SNX29: variants seen among roughly 807,000 people sequenced by gnomAD.
SNX29 encodes the protein sorting nexin-29.
SNX29 carries 78 observed loss-of-function variants against 102.1 expected under a neutral mutation model. The observed-to-expected ratio is 0.76, with a 90% CI of 0.64 to 0.92. SNX29 has a LOEUF of 0.92. Ranked by LOEUF, SNX29 falls within the 40% of genes least tolerant of loss-of-function variation. SNX29 has a pLI of 0.00. For synonymous variants in SNX29, 580 were observed against 414.5 expected (o/e 1.40, Z -4.85); for missense variants, 1,280 against 1,061.7 (o/e 1.21, Z -2.86).
At chr16:12,224,019 C>T (rs1481246465) in intron 14 of SNX29, among the ~76,000 whole-genome samples, 1 of 152,208 alleles carries the variant, frequency 6.6e-6, no homozygotes, top group Non-Finnish European at 1.5e-5. Flanking sequence ...GGTCTCCTCA[C>T]TCCAGAGCCA....
At chr16:12,318,862 A>G (rs1475953184) in intron 15 of SNX29, among the ~76,000 whole-genome samples, 1 of 152,198 alleles carries the variant, frequency 6.6e-6, no homozygotes, top group Admixed American at 6.5e-5. Context: ...AGCTTCTTCT[A>G]GTCTATGACT....
chr16:12,206,079 C>T (rs12445236), intron 14 of SNX29, among the ~76,000 whole-genome samples: 29,778 of 152,108 alleles, frequency 0.2, 2,919 homozygotes, highest in East Asian at 0.27. Flanking sequence ...TCAGTTGTGC[C>T]TCCAGCTGGA....
intron 15 of SNX29, among the ~76,000 whole-genome samples, chr16:12,329,909 A>T (rs1348940885): frequency 6.6e-6 from 1 of 152,142 alleles, no homozygotes; most frequent in Admixed American, 6.6e-5. Flanking sequence ...ACAGTTATTT[A>T]TACCCTGTCT....
chr16:12,157,352 C>T (rs1296401997), intron 13 of SNX29, among the ~76,000 whole-genome samples: 1 of 152,004 alleles, frequency 6.6e-6, no homozygotes, highest in East Asian at 1.9e-4. Flanking sequence ...AGTGAGTAGG[C>T]GATGTGCACA....
chr16:12,496,237 A>C (rs1205493259), intron 19 of SNX29, among the ~76,000 whole-genome samples: 1 of 152,166 alleles, frequency 6.6e-6, no homozygotes, highest in African/African-American at 2.4e-5. Context: ...GTTGTGACAC[A>C]GGGGTAGTCA....
chr16:12,046,351 A>G (rs181317556), intron 5 of SNX29, 33 bp from the exon 6 acceptor site: 271 of 1,610,196 alleles, frequency 1.7e-4, no homozygotes, highest in African/African-American at 1.1e-3. Flanking sequence ...AACCACTGCT[A>G]AGAACGATTT....
chr16:12,425,545 TA>T lies in SNX29; in HGVS notation c.2037+22024del, dbSNP rs869054147. 1.4e-3 allele frequency among the ~76,000 whole-genome samples: 44 copies of T among 31,450 alleles called. 1 individual carries two copies. Among genetic ancestry groups the T allele is most frequent in the African/African-American group, 3.6e-3 (44 of 12,152 alleles). 20.6% of individuals were successfully genotyped at this position (31,450 alleles called of 152,430 possible). ...GACCAGAGTTAAAAAAAAAAAAAAATAAAAAAAATAAAAAGAGGGAATAGAA... is the reference window on the plus strand; with the variant it reads ...GACCAGAGTTAAAAAAAAAAAAAAATAAAAAAATAAAAAGAGGGAATAGAA... On this transcript the variant is annotated intron_variant, in intron 18 of 20. Coordinates refer to ENST00000566228, the MANE Select transcript of SNX29 (RefSeq NM_032167.5).
intron 16 of SNX29, among the ~76,000 whole-genome samples, chr16:12,361,823 A>G (rs1230316830): frequency 1.3e-5 from 2 of 152,164 alleles, no homozygotes; most frequent in South Asian, 2.1e-4. Context: ...GTTAAGTAGT[A>G]AAAAAGGGTG....
rs1459274044 is a variant in SNX29 at position 12,512,367 on chromosome 16, AAAATATATATATATATATATATAT to A, written c.2179-12333_2179-12310del. Among the ~76,000 whole-genome samples the A allele has an allele frequency of 2.5e-3, 99 of 39,488 alleles. 5 individuals are homozygous for A. Among genetic ancestry groups the A allele is most frequent in the African/African-American group, 3.5e-3 (34 of 9,744 alleles). The allele number at this position is 39,488 out of a possible 152,430, so 25.9% of individuals were successfully genotyped here. On this transcript the variant is annotated intron_variant, in intron 19 of 20. Coordinates refer to ENST00000566228, the MANE Select transcript of SNX29 (RefSeq NM_032167.5). ...TACGTCCATCATGGAAGGCCCAGGG[AAAATATATATATATATATATATAT>A]ATATATATATATATATATATATATA...
At chr16:12,192,731 G>T (rs1009756058) in intron 13 of SNX29, among the ~76,000 whole-genome samples, 2 of 151,904 alleles carry the variant, frequency 1.3e-5, no homozygotes, top group African/African-American at 4.8e-5. Context: ...TTGAGACAAG[G>T]TCTCACTTTC....
rs147778632 is a variant in SNX29, at chr16:12,478,530, G to A, written c.2178+671G>A. ...CTAGCCCTCTGCAAGCTCATTGGTT[G>A]ATTAATATTATTCACTCAGCAGTCA... On this transcript the variant is annotated intron_variant, in intron 19 of 20. Coordinates refer to ENST00000566228, the MANE Select transcript of SNX29 (RefSeq NM_032167.5). 1.1e-4 allele frequency among the ~76,000 whole-genome samples: 17 copies of A among 152,326 alleles called. No individual in the cohort carries two copies. The East Asian group carries it at 3.3e-3, about 29-fold the overall frequency.
intron 16 of SNX29, chr16:12,366,935 C>G (rs778654640): frequency 6.6e-6 from 1 of 152,196 alleles, no homozygotes; most frequent in Non-Finnish European, 1.5e-5. Flanking sequence ...CCTTCCCTTC[C>G]ACTCTCCCAT....
intron 14 of SNX29, among the ~76,000 whole-genome samples, chr16:12,255,025 A>G (rs2078528274): frequency 6.6e-6 from 1 of 152,210 alleles, no homozygotes; most frequent in Non-Finnish European, 1.5e-5. Flanking sequence ...GTATTGAAGT[A>G]TCATTGACAA....
In SNX29 at chr16:12,052,064, C is replaced by T. The variant is rs760870736; in HGVS notation, c.966C>T (p.Asn322=). Reference sequence around the variant, plus strand: ...ACTCCAATGGAAGTCAGAGCAGCAACTCATGGAAAATTGATTCCCTGTCTT... The same window carrying T: ...ACTCCAATGGAAGTCAGAGCAGCAATTCATGGAAAATTGATTCCCTGTCTT... ...GPNSNGSQSS[N]SWKIDSLSLN... is the part of the protein sequence containing the mutation. Residue 322 remains asparagine (N), a synonymous_variant, in exon 8 of 21, where the codon AAC becomes AAT. Coordinates refer to ENST00000566228, the MANE Select transcript of SNX29 (RefSeq NM_032167.5). The T allele has an allele frequency of 6.2e-7, 1 of 1,613,954 alleles. No individual in the cohort carries two copies. The highest frequency in any genetic ancestry group is 8.5e-7 in the Non-Finnish European group (1 of 1,179,876).
At chr16:12,014,455 G>A (rs1471103669) in intron 3 of SNX29, among the ~76,000 whole-genome samples, 1 of 151,932 alleles carries the variant, frequency 6.6e-6, no homozygotes, top group Non-Finnish European at 1.5e-5. Flanking sequence ...TATCAGAGCC[G>A]GGCGCGGTGG....
chr16:11,981,652 T>A (rs1158664835), intron 1 of SNX29, among the ~76,000 whole-genome samples: 1 of 151,806 alleles, frequency 6.6e-6, no homozygotes, highest in Non-Finnish European at 1.5e-5. Context: ...AATATTTGAG[T>A]AGAGTCAGAG....
chr16:12,074,629 G>C (rs373693987), intron 10 of SNX29, among the ~76,000 whole-genome samples: 1 of 152,100 alleles, frequency 6.6e-6, no homozygotes, highest in Non-Finnish European at 1.5e-5. Context: ...TGGTGAATCT[G>C]ACAATTATGT....
At chr16:12,107,648 C>G (rs138824334) in intron 11 of SNX29, among the ~76,000 whole-genome samples, 2 of 151,742 alleles carry the variant, frequency 1.3e-5, no homozygotes, top group South Asian at 2.1e-4. Flanking sequence ...AAAACAAAAA[C>G]AAAAACAAAA....
chr16:12,562,292 C>G (rs939878840), intron 20 of SNX29, among the ~76,000 whole-genome samples: 3 of 152,200 alleles, frequency 2.0e-5, no homozygotes, highest in East Asian at 3.9e-4. Flanking sequence ...ATCCCAGCAT[C>G]AAACGTTATC....
Sources: allele counts gnomAD v4.1 joint callset (sites outside exome capture counted in the v4.1 genomes callset), GRCh38; gene constraint gnomAD v4.1.1; transcripts MANE v1.5; gene names NCBI Gene and HGNC (gene_info 2026-07-23, HGNC 2026-07-21).